The following RBFOX1 variants were observed in gnomAD, a reference collection of about 807,000 sequenced individuals.
RBFOX1 encodes RNA binding fox-1 homolog 1, also known as RNA binding protein fox-1 homolog 1.
Under a neutral mutation model 57.7 loss-of-function variants are expected in RBFOX1, and 8 were observed. The observed-to-expected ratio is 0.14, with a 90% confidence interval of 0.08 to 0.25. RBFOX1 has a LOEUF of 0.25. Ranked by LOEUF, RBFOX1 falls within the 10% of genes least tolerant of loss-of-function variation. The pLI is 1.00. For synonymous variants in RBFOX1, 326 were observed against 222.4 expected (o/e 1.47, Z -4.15); for missense variants, 611 against 548.5 (o/e 1.11, Z -1.14).
chr16:7,076,085 A>G (rs1180123693), intron 4 of RBFOX1, among the ~76,000 whole-genome samples: 1 of 142,642 alleles, frequency 7.0e-6, no homozygotes, highest in Non-Finnish European at 1.5e-5. Context: ...TTCTATTGCC[A>G]GGCTGGACTG....
intron 4 of RBFOX1, among the ~76,000 whole-genome samples, chr16:7,464,380 A>G (rs28670877): frequency 0.012 from 1,793 of 152,184 alleles, 43 homozygotes; most frequent in African/African-American, 0.042. Flanking sequence ...AGAAGCTGGT[A>G]AAACAGTCGC....
chr16:7,481,760 T>A (rs2063998672), intron 4 of RBFOX1, among the ~76,000 whole-genome samples: 1 of 152,092 alleles, frequency 6.6e-6, no homozygotes, highest in Non-Finnish European at 1.5e-5. Context: ...GAAAACATAA[T>A]AAGTCAAAAA....
chr16:6,986,162 TACCAGAATCACCA>T lies in RBFOX1; in HGVS notation c.-15-65893_-15-65881del, dbSNP rs761097621. ...TTGTACAATAACCCTTATATACGTCTACCAGAATCACCAATTTCTATTTTTATTTATTTATTTA... is the reference window on the plus strand; with the variant it reads ...TTGTACAATAACCCTTATATACGTCTATTTCTATTTTTATTTATTTATTTA... On this transcript the variant is annotated intron_variant, in intron 3 of 15. Transcript: ENST00000550418. 6.6e-3 allele frequency among the ~76,000 whole-genome samples: 786 copies of T among 119,420 alleles called. 5 individuals carry two copies. Among genetic ancestry groups the T allele is most frequent in the African/African-American group, 0.021 (524 of 24,410 alleles). 78.3% of individuals were successfully genotyped at this position (119,420 alleles called of 152,430 possible). A position where few individuals can be genotyped will look rare whatever the true frequency, so the allele number is the denominator to read the frequency against.
intron 1 of RBFOX1, among the ~76,000 whole-genome samples, chr16:6,198,444 A>T (rs960576153): frequency 6.6e-6 from 1 of 152,166 alleles, no homozygotes; most frequent in African/African-American, 2.4e-5. Flanking sequence ...AAAGAAAATA[A>T]AGAGGGAGAC....
At chr16:6,829,287 T>C (rs1460325584) in intron 3 of RBFOX1, among the ~76,000 whole-genome samples, 1 of 150,848 alleles carries the variant, frequency 6.6e-6, no homozygotes, top group Non-Finnish European at 1.5e-5. Context: ...ATCTGAGAAG[T>C]TCTACTTTTA....
intron 1 of RBFOX1, among the ~76,000 whole-genome samples, chr16:6,194,359 G>T (rs920382206): frequency 2.6e-5 from 4 of 152,064 alleles, no homozygotes; most frequent in African/African-American, 9.7e-5. Flanking sequence ...AATCCCTCAT[G>T]CTTGAAAATA....
At chr16:5,673,334 C>T (rs1281570072) in intron 3 of RBFOX1, among the ~76,000 whole-genome samples, 1 of 152,010 alleles carries the variant, frequency 6.6e-6, no homozygotes, top group African/African-American at 2.4e-5. Flanking sequence ...GTTCCAAGGT[C>T]GACAGGGTTG....
chr16:5,538,890 C>T (rs553853421), intron 2 of RBFOX1, among the ~76,000 whole-genome samples: 3 of 152,136 alleles, frequency 2.0e-5, no homozygotes, highest in South Asian at 2.1e-4. Context: ...CCAGTGGCTC[C>T]GTTTTGATTC....
At chr16:6,653,360 T>C (rs2098613961) in intron 2 of RBFOX1, among the ~76,000 whole-genome samples, 1 of 152,192 alleles carries the variant, frequency 6.6e-6, no homozygotes, top group African/African-American at 2.4e-5. Flanking sequence ...GGGCCTGCCA[T>C]GTGTCTTCTA....
intron 4 of RBFOX1, among the ~76,000 whole-genome samples, chr16:7,249,936 AAG>A (rs2094446531): frequency 6.6e-6 from 1 of 152,220 alleles, no homozygotes; most frequent in African/African-American, 2.4e-5. Flanking sequence ...AGTAGTGTTT[AAG>A]AGACTCTTTC....
rs866680321 is a variant in RBFOX1, at chr16:6,326,875, G to A, written c.-64+9818G>A. On this transcript the variant is annotated intron_variant, in intron 2 of 15. Transcript: ENST00000550418. ...ATCACACACTACAGCCGGTGCAGGT[G>A]TGGCTCCAGGAAGGGAAATCTCCAT... Among the ~76,000 whole-genome samples, 83 of 152,178 alleles carry A rather than the reference G, an allele frequency of 5.5e-4. 3 individuals carry two copies. Among genetic ancestry groups the A allele is most frequent in the South Asian group, 2.1e-4 (1 of 4,830 alleles).
At chr16:5,658,571 G>A (rs1378637283) in intron 3 of RBFOX1, among the ~76,000 whole-genome samples, 1 of 151,972 alleles carries the variant, frequency 6.6e-6, no homozygotes, top group African/African-American at 2.4e-5. Context: ...AGGGCACAGA[G>A]CTTAGCTCCC....
chr16:7,412,642 G>C (rs1252135980), intron 4 of RBFOX1, among the ~76,000 whole-genome samples: 1 of 152,124 alleles, frequency 6.6e-6, no homozygotes, highest in Non-Finnish European at 1.5e-5. Flanking sequence ...TTCTATCTTA[G>C]ATTTCTCCCA....
chr16:5,829,914 T>C (rs1400458023), intron 3 of RBFOX1, among the ~76,000 whole-genome samples: 1 of 152,156 alleles, frequency 6.6e-6, no homozygotes, highest in Non-Finnish European at 1.5e-5. Context: ...TTAGGTGACT[T>C]ACTGGCATAG....
rs553366804 is a variant in RBFOX1, at chr16:6,776,202, G to C, written c.-16+121552G>C. On this transcript the variant is annotated intron_variant, in intron 3 of 15. Transcript: ENST00000550418. ...CAGTGCAGACAGATCACTAGGTCGG[G>C]AGATCGAGACCATCCTGGCTAACAC... 1.1e-4 allele frequency among the ~76,000 whole-genome samples: 17 copies of C among 152,104 alleles called. No individual in the cohort carries two copies. The South Asian group carries it at 3.5e-3, about 32-fold the overall frequency.
At chr16:6,407,417 A>C (rs970837419) in intron 2 of RBFOX1, among the ~76,000 whole-genome samples, 1 of 151,942 alleles carries the variant, frequency 6.6e-6, no homozygotes, top group African/African-American at 2.4e-5. Context: ...GTGTGTATCT[A>C]TGCTTATATA....
chr16:5,552,930 G>A (rs554569055), intron 2 of RBFOX1, among the ~76,000 whole-genome samples: 5 of 152,180 alleles, frequency 3.3e-5, no homozygotes, highest in Non-Finnish European at 5.9e-5. Context: ...CAAAAGGCAA[G>A]GTGTATGGAA....
chr16:6,992,471 C>A (rs918571868), intron 3 of RBFOX1, among the ~76,000 whole-genome samples: 1 of 152,092 alleles, frequency 6.6e-6, no homozygotes, highest in Non-Finnish European at 1.5e-5. Flanking sequence ...GCCTTGGCCT[C>A]CCAAAGTGCT....
At chr16:6,974,785 A>C (rs761723690) in intron 3 of RBFOX1, among the ~76,000 whole-genome samples, 1 of 152,138 alleles carries the variant, frequency 6.6e-6, no homozygotes, top group Non-Finnish European at 1.5e-5. Context: ...CTGTGTTTGC[A>C]AACCTTGATG....
Sources: gnomAD v4.1 joint callset for allele counts (sites outside exome capture counted in the v4.1 genomes callset) on GRCh38, gnomAD v4.1.1 for gene constraint, MANE v1.5 for transcripts, NCBI Gene and HGNC (gene_info 2026-07-23, HGNC 2026-07-21) for gene names.